Variants in EML4 observed in about 807,000 individuals in gnomAD.
The protein encoded by EML4 is echinoderm microtubule-associated protein-like 4.
A neutral mutation model predicts 129.0 loss-of-function variants in EML4; 72 were observed. That is an observed-to-expected ratio of 0.56 (90% CI 0.46 to 0.68). EML4 has a LOEUF of 0.68. Ranked by LOEUF, EML4 falls within the 30% of genes least tolerant of loss-of-function variation. The probability of loss-of-function intolerance (pLI) is 0.00; values close to 1 mark genes in which losing one functional copy is unlikely to be tolerated. For missense variants in EML4, 1,363 were observed against 1,190.6 expected (o/e 1.14, Z -2.13); for synonymous variants, 532 against 405.0 (o/e 1.31, Z -3.77).
chr2:42,270,160 T>C (rs929264244), intron 6 of EML4, among the ~76,000 whole-genome samples: 4 of 152,204 alleles, frequency 2.6e-5, no homozygotes, highest in African/African-American at 7.2e-5. Context: ...CTAAGGTCTT[T>C]TTGGTAACTT....
intron 1 of EML4, among the ~76,000 whole-genome samples, chr2:42,245,012 A>T (rs186822654): frequency 2.0e-5 from 3 of 151,780 alleles, no homozygotes; most frequent in Non-Finnish European, 4.4e-5. Context: ...TTAAATTAAG[A>T]TAGCTATAAA....
At chr2:42,241,801 C>G (rs2104276257) in intron 1 of EML4, among the ~76,000 whole-genome samples, 1 of 150,410 alleles carries the variant, frequency 6.6e-6, no homozygotes, top group South Asian at 2.1e-4. Flanking sequence ...AGTTTGGTGA[C>G]CTTGAGCAAG....
chr2:42,290,263 A>G (rs1244366885), intron 11 of EML4, among the ~76,000 whole-genome samples: 2 of 152,106 alleles, frequency 1.3e-5, no homozygotes, highest in Non-Finnish European at 1.5e-5. Flanking sequence ...TCTTGACCTT[A>G]TTCTGTTCTA....
At chr2:42,171,720 C>T (rs1670291647) in intron 1 of EML4, among the ~76,000 whole-genome samples, 1 of 152,040 alleles carries the variant, frequency 6.6e-6, no homozygotes, top group Admixed American at 6.6e-5. Flanking sequence ...CCTGCATCTG[C>T]AGAGAGGGAA....
intron 2 of EML4, among the ~76,000 whole-genome samples, chr2:42,250,197 C>A (rs1261508525): frequency 6.6e-6 from 1 of 152,160 alleles, no homozygotes; most frequent in Non-Finnish European, 1.5e-5. Flanking sequence ...CTGGTTAAGC[C>A]AAAGTGTGAA....
At chr2:42,211,864 C>T (rs564636704) in intron 1 of EML4, among the ~76,000 whole-genome samples, 5 of 151,732 alleles carry the variant, frequency 3.3e-5, no homozygotes, top group East Asian at 1.9e-4. Context: ...TTTTATTTTT[C>T]GAGACAGTTT....
intron 19 of EML4, among the ~76,000 whole-genome samples, chr2:42,321,560 G>C (rs1170722802): frequency 1.3e-5 from 2 of 151,932 alleles, no homozygotes; most frequent in Non-Finnish European, 2.9e-5. Context: ...CTAGTTCCAA[G>C]CAGAAGGGAT....
chr2:42,241,218 C>G (rs1389539424), intron 1 of EML4, among the ~76,000 whole-genome samples: 4 of 151,938 alleles, frequency 2.6e-5, no homozygotes, highest in Non-Finnish European at 5.9e-5. Flanking sequence ...ATGCACTATT[C>G]TACCACAGCT....
chr2:42,217,189 T>A (rs1673248207), intron 1 of EML4, among the ~76,000 whole-genome samples: 2 of 152,238 alleles, frequency 1.3e-5, no homozygotes, highest in South Asian at 4.1e-4. Flanking sequence ...GACATATGTA[T>A]ATTTACTATG....
At chr2:42,234,197 A>G (rs141131919) in intron 1 of EML4, among the ~76,000 whole-genome samples, 2,315 of 152,336 alleles carry the variant, frequency 0.015, 31 homozygotes, top group Middle Eastern at 0.027. Flanking sequence ...AGGGCAGGAG[A>G]AGAGCTATCT....
intron 1 of EML4, among the ~76,000 whole-genome samples, chr2:42,235,930 C>A (rs1674645133): frequency 6.6e-6 from 1 of 152,058 alleles, no homozygotes; most frequent in Non-Finnish European, 1.5e-5. Context: ...GTTATGTAGA[C>A]CAGTTATCAT....
chr2:42,284,652 C>T lies in EML4; in HGVS notation c.960C>T (p.Asp320=). 1.9e-6 allele frequency: 3 copies of T among 1,612,176 alleles called. No homozygotes were observed. The highest frequency in any genetic ancestry group is 1.7e-6 in the Non-Finnish European group (2 of 1,179,074). ...DCVKCLAIHP[D]KIRIATGQIA... ...TTTTTAGCCTTGCTATACATCCTGA[C>T]AAAATTAGGATTGCAACTGGACAGA... The change falls in exon 9 of 23, where the codon GAC becomes GAT. Residue 320 remains aspartate (D), a synonymous_variant. Coordinates refer to ENST00000318522, the MANE Select transcript of EML4 (RefSeq NM_019063.5).
At position 42,245,630 on chromosome 2, in the gene EML4, C is replaced by A; in HGVS notation, c.151C>A (p.Arg51Ser). 1 of 1,613,556 alleles carries A rather than the reference C, an allele frequency of 6.2e-7. No individual in the cohort carries two copies. The highest frequency in any genetic ancestry group is 8.5e-7 in the Non-Finnish European group (1 of 1,179,704). ...GGCGGCTTTGGCTGATGTTTTGAGG[C>A]GTCTTGCAATCTCTGAAGATCATGT... ...LKAALADVLR[R>S]LAISEDHVAS... Residue 51 changes from arginine to serine, a missense_variant, in exon 2 of 23, where the codon CGT becomes AGT. Transcript: ENST00000318522.
intron 1 of EML4, among the ~76,000 whole-genome samples, chr2:42,219,217 A>G (rs946733298): frequency 1.3e-5 from 2 of 152,212 alleles, no homozygotes; most frequent in Non-Finnish European, 2.9e-5. Context: ...CCCTTGAACA[A>G]CACCAGTTTG....
At chr2:42,266,274 A>G (rs986766372) in intron 6 of EML4, among the ~76,000 whole-genome samples, 28 of 152,224 alleles carry the variant, frequency 1.8e-4, no homozygotes, top group African/African-American at 5.5e-4. Flanking sequence ...AATACAACAT[A>G]GATTAAGTAA....
intron 2 of EML4, among the ~76,000 whole-genome samples, chr2:42,251,875 C>T (rs1338159534): frequency 1.3e-5 from 2 of 152,128 alleles, no homozygotes; most frequent in Non-Finnish European, 2.9e-5. Flanking sequence ...TCTCTTTTGG[C>T]ATATATATTT....
At chr2:42,238,979 G>A (rs1456055312) in intron 1 of EML4, among the ~76,000 whole-genome samples, 5 of 152,140 alleles carry the variant, frequency 3.3e-5, no homozygotes, top group Non-Finnish European at 5.9e-5. Flanking sequence ...AGGTTGCCCA[G>A]GCTGGTCTTG....
chr2:42,174,049 G>A (rs1670431021), intron 1 of EML4, among the ~76,000 whole-genome samples: 1 of 152,104 alleles, frequency 6.6e-6, no homozygotes, highest in African/African-American at 2.4e-5. Context: ...TAATTTAGCA[G>A]TTTAAATTCT....
intron 2 of EML4, among the ~76,000 whole-genome samples, chr2:42,249,202 A>G (rs916738131): frequency 2.0e-5 from 3 of 152,204 alleles, no homozygotes; most frequent in Non-Finnish European, 4.4e-5. Flanking sequence ...TTTTCATAAC[A>G]TTAAAAATGA....
Sources: allele counts gnomAD v4.1 joint callset (sites outside exome capture counted in the v4.1 genomes callset), GRCh38; gene constraint gnomAD v4.1.1; transcripts MANE v1.5; gene names NCBI Gene and HGNC (gene_info 2026-07-23, HGNC 2026-07-21).